The following NDFIP1 variants were observed in gnomAD, a reference collection of about 807,000 sequenced individuals.
The protein encoded by NDFIP1 is NEDD4 family-interacting protein 1.
Under a neutral mutation model 28.8 loss-of-function variants are expected in NDFIP1, and 7 were observed. That is an observed-to-expected ratio of 0.24 (90% confidence interval 0.14 to 0.46). The LOEUF is 0.46. Among genes scored for constraint, NDFIP1 ranks in the 20% least tolerant of loss-of-function variants. The pLI, the probability that NDFIP1 is intolerant of heterozygous loss-of-function variation, is 0.99. For missense variants in NDFIP1, 194 were observed against 269.1 expected (o/e 0.72, Z 1.95); for synonymous variants, 92 against 101.0 (o/e 0.91, Z 0.53).
intron 1 of NDFIP1, among the ~76,000 whole-genome samples, chr5:142,127,338 A>C (rs1450783535): frequency 6.6e-6 from 1 of 152,138 alleles, no homozygotes; most frequent in African/African-American, 2.4e-5. Flanking sequence ...TTTGTAAATA[A>C]ATGTTTTCTT....
chr5:142,126,743 C>T (rs1757172382), intron 1 of NDFIP1, among the ~76,000 whole-genome samples: 1 of 152,156 alleles, frequency 6.6e-6, no homozygotes, highest in African/African-American at 2.4e-5. Flanking sequence ...CCCAGCTCTG[C>T]TATTGCTTAA....
rs1164475005 is a variant in NDFIP1 at position 142,142,937 on chromosome 5, AAAAATAT to A, written c.563-1632_563-1626del. ...CATCTCAAAAAAAAAAAAAAAAAAA[AAAAATAT>A]ATATATATATATATATATATATATT... is the stretch of plus-strand genomic sequence containing the variant. On this transcript the variant is annotated intron_variant, in intron 6 of 7. Transcript: ENST00000253814. 7.0e-4 allele frequency: 45 copies of A among 63,950 alleles called. 1 individual carries two copies. Among genetic ancestry groups the A allele is most frequent in the East Asian group, 6.1e-3 (9 of 1,486 alleles). The allele number at this position is 63,950 out of a possible 1,614,324, so 4.0% of individuals were successfully genotyped here. A position where few individuals can be genotyped will look rare whatever the true frequency, so the allele number is the denominator to read the frequency against.
chr5:142,146,108 C>T (rs1757386338), intron 7 of NDFIP1, among the ~76,000 whole-genome samples: 2 of 152,036 alleles, frequency 1.3e-5, no homozygotes, highest in African/African-American at 4.8e-5. Flanking sequence ...TGGAGTTTTC[C>T]ATGTGTCAGA....
At chr5:142,137,689 G>T in intron 4 of NDFIP1, 45 bp from the exon 5 acceptor site, 1 of 1,606,184 alleles carries the variant, frequency 6.2e-7, no homozygotes, top group Non-Finnish European at 8.5e-7. Context: ...TTGTTCTTGG[G>T]TAACAGGACA....
At chr5:142,143,011 T>C (rs1471620195) in intron 6 of NDFIP1, 1 of 147,484 alleles carries the variant, frequency 6.8e-6, no homozygotes, top group African/African-American at 2.5e-5. Flanking sequence ...GTGCCCAATA[T>C]TCGGGTCATT....
chr5:142,137,985 G>A, intron 5 of NDFIP1, 127 bp downstream of exon 5: 3 of 1,241,554 alleles, frequency 2.4e-6, no homozygotes, highest in Non-Finnish European at 3.2e-6. Context: ...TGGTTTGTCT[G>A]TGGTTTCATG....
chr5:142,113,949 A>G (rs1461855361), intron 1 of NDFIP1, among the ~76,000 whole-genome samples: 1 of 152,178 alleles, frequency 6.6e-6, no homozygotes, highest in African/African-American at 2.4e-5. Context: ...TTATGCATTC[A>G]TTTGTTGACG....
chr5:142,120,407 GT>G (rs1156472959), intron 1 of NDFIP1, among the ~76,000 whole-genome samples: 3 of 152,042 alleles, frequency 2.0e-5, no homozygotes, highest in Non-Finnish European at 2.9e-5. Context: ...AAAACAGGTT[GT>G]TTTTTGGCTT....
At chr5:142,149,412 T>A (rs1225247700) in intron 7 of NDFIP1, among the ~76,000 whole-genome samples, 1 of 151,014 alleles carries the variant, frequency 6.6e-6, no homozygotes, top group East Asian at 1.9e-4. Context: ...TGGAATTAAA[T>A]GATCTGTAGG....
chr5:142,139,142 C>T (rs1460403866), intron 5 of NDFIP1, among the ~76,000 whole-genome samples: 5 of 151,746 alleles, frequency 3.3e-5, no homozygotes, highest in African/African-American at 1.2e-4. Context: ...ATGGCGTGAA[C>T]CCAGGAGGTG....
chr5:142,116,867 C>T (rs769209975), intron 1 of NDFIP1, among the ~76,000 whole-genome samples: 76 of 151,528 alleles, frequency 5.0e-4, no homozygotes, highest in African/African-American at 1.6e-3. Flanking sequence ...CATGCCACCA[C>T]GCCTGGCTAA....
chr5:142,108,920 G>C lies in NDFIP1; in HGVS notation c.-55G>C. 1.5e-6 allele frequency: 2 copies of C among 1,375,346 alleles called. No homozygotes were observed. The highest frequency in any genetic ancestry group is 1.6e-5 in the South Asian group (1 of 64,428). 85.2% of individuals were successfully genotyped at this position (1,375,346 alleles called of 1,614,324 possible). On this transcript the variant is annotated 5_prime_UTR_variant, in exon 1 of 8. Transcript: ENST00000253814. The stretch of plus-strand genomic sequence containing the variant: ...CCAGCGCTCCCAAGCCGCAGCGGCC[G>C]CGCCCCTTCAGCTAGCTCGCTCGCT...
intron 1 of NDFIP1, among the ~76,000 whole-genome samples, chr5:142,128,192 A>T (rs1757189623): frequency 6.6e-6 from 1 of 151,960 alleles, no homozygotes; most frequent in Non-Finnish European, 1.5e-5. Context: ...GTTAAATTGG[A>T]CTCGGGCTTC....
chr5:142,151,064 C>T (rs75577644), intron 7 of NDFIP1, among the ~76,000 whole-genome samples: 2,275 of 152,154 alleles, frequency 0.015, 49 homozygotes, highest in African/African-American at 0.049. Context: ...TAGTAAAATG[C>T]GTAGGCATTA....
At chr5:142,147,389 C>A (rs1329387931) in intron 7 of NDFIP1, among the ~76,000 whole-genome samples, 1 of 152,262 alleles carries the variant, frequency 6.6e-6, no homozygotes, top group East Asian at 1.9e-4. Flanking sequence ...AGAAGACATA[C>A]TAGAAAACCG....
intron 7 of NDFIP1, among the ~76,000 whole-genome samples, chr5:142,146,500 G>A (rs973746845): frequency 2.0e-5 from 3 of 152,292 alleles, no homozygotes; most frequent in African/African-American, 7.2e-5. Context: ...TCCAAAGCTA[G>A]TACTGTTGGG....
Position 142,132,237 on chromosome 5 carries a change from T to A in NDFIP1, c.177T>A (p.Ser59=), listed in dbSNP as rs1401349665. 6.2e-7 allele frequency: 1 copy of A among 1,613,740 alleles called. No homozygotes were observed. Among genetic ancestry groups the A allele is most frequent in the African/African-American group, 1.3e-5 (1 of 74,926 alleles). ...CATATTTTGACTACAAGGATGAGTCTGGGTTTCCAAAGCCCCCATCTTACA... is the reference window on the plus strand; with the variant it reads ...CATATTTTGACTACAAGGATGAGTCAGGGTTTCCAAAGCCCCCATCTTACA... ...SAAYFDYKDE[S]GFPKPPSYNV... Residue 59 remains serine (S), a synonymous_variant, in exon 3 of 8, where the codon TCT becomes TCA. Coordinates refer to ENST00000253814, the MANE Select transcript of NDFIP1 (RefSeq NM_030571.4).
intron 1 of NDFIP1, among the ~76,000 whole-genome samples, chr5:142,125,611 C>T (rs975096502): frequency 6.6e-6 from 1 of 152,178 alleles, no homozygotes; most frequent in Non-Finnish European, 1.5e-5. Flanking sequence ...CCTCCTGCCT[C>T]AGCCTCCCAA....
At chr5:142,112,147 G>A (rs1305108797) in intron 1 of NDFIP1, among the ~76,000 whole-genome samples, 10 of 152,146 alleles carry the variant, frequency 6.6e-5, no homozygotes, top group Non-Finnish European at 7.4e-5. Context: ...GGGAGGCCAA[G>A]GCAGGCAGAT....
Sources: allele counts gnomAD v4.1 joint callset (sites outside exome capture counted in the v4.1 genomes callset), GRCh38; gene constraint gnomAD v4.1.1; transcripts MANE v1.5; gene names NCBI Gene and HGNC (gene_info 2026-07-23, HGNC 2026-07-21).